The following XPR1 variants were observed in gnomAD, a reference collection of about 807,000 sequenced individuals.
XPR1 encodes solute carrier family 53 member 1.
Under a neutral mutation model 87.5 loss-of-function variants are expected in XPR1, and 28 were observed. The observed-to-expected ratio is 0.32, with a 90% CI of 0.24 to 0.44. XPR1 has a LOEUF of 0.44. XPR1 is among the 20% of genes least tolerant of loss of function. XPR1 has a pLI of 1.00. For synonymous variants in XPR1, 300 were observed against 306.1 expected, an observed-to-expected ratio of 0.98 and a Z score of 0.21; for missense variants, 559 against 862.3, an observed-to-expected ratio of 0.65 and a Z score of 4.41.
rs187795581 is a variant in XPR1 at position 180,742,536 on chromosome 1, G to A, written c.122-45217G>A. 6.8e-4 allele frequency among the ~76,000 whole-genome samples: 103 copies of A among 152,110 alleles called. 1 individual carries two copies. Among genetic ancestry groups the A allele is most frequent in the South Asian group, 1.9e-3 (9 of 4,826 alleles). Reference sequence around the variant, plus strand: ...TTAAATTTGGTAAGGCTTATTTTATGACCCAGGATATAGTCTGTCTTGGTA... The same window carrying A: ...TTAAATTTGGTAAGGCTTATTTTATAACCCAGGATATAGTCTGTCTTGGTA... On this transcript the variant is annotated intron_variant, in intron 2 of 14. Transcript: ENST00000367590.
intron 3 of XPR1, among the ~76,000 whole-genome samples, chr1:180,798,694 A>G (rs1649676384): frequency 6.6e-6 from 1 of 151,920 alleles, no homozygotes; most frequent in African/African-American, 2.4e-5. Context: ...GCTCACTGCA[A>G]CCTCCACCTC....
intron 1 of XPR1, among the ~76,000 whole-genome samples, chr1:180,662,811 T>C (rs1655823646): frequency 6.6e-6 from 1 of 152,178 alleles, no homozygotes; most frequent in Non-Finnish European, 1.5e-5. Context: ...ATGCTTTACT[T>C]TTTTTATTCC....
chr1:180,669,356 G>A (rs1173123909), intron 1 of XPR1, among the ~76,000 whole-genome samples: 8 of 151,956 alleles, frequency 5.3e-5, no homozygotes, highest in African/African-American at 1.9e-4. Flanking sequence ...TGTCTTTAGT[G>A]TATAAATTTT....
chr1:180,764,531 G>A (rs1054847660), intron 2 of XPR1, among the ~76,000 whole-genome samples: 9 of 151,774 alleles, frequency 5.9e-5, no homozygotes, highest in African/African-American at 2.2e-4. Flanking sequence ...TTGCAGTAGT[G>A]CGATCATGGC....
intron 2 of XPR1, among the ~76,000 whole-genome samples, chr1:180,747,654 A>G (rs1296896700): frequency 6.6e-6 from 1 of 152,234 alleles, no homozygotes; most frequent in African/African-American, 2.4e-5. Flanking sequence ...TGATACAGAA[A>G]AATTAATCTG....
intron 1 of XPR1, among the ~76,000 whole-genome samples, chr1:180,682,044 C>CT (rs1311111249): frequency 6.6e-6 from 1 of 152,048 alleles, no homozygotes; most frequent in Non-Finnish European, 1.5e-5. Flanking sequence ...TTCTCTAGGA[C>CT]TTTTGTTCTG....
At chr1:180,740,491 G>A (rs902100978) in intron 2 of XPR1, among the ~76,000 whole-genome samples, 9 of 150,120 alleles carry the variant, frequency 6.0e-5, no homozygotes, top group Non-Finnish European at 1.0e-4. Context: ...AGCTAGTTTT[G>A]CATTCCTGAG....
At chr1:180,784,048 C>CT (rs1649042373) in intron 2 of XPR1, among the ~76,000 whole-genome samples, 1 of 151,728 alleles carries the variant, frequency 6.6e-6, no homozygotes, top group African/African-American at 2.4e-5. Flanking sequence ...GAGCAAGACT[C>CT]TGTCTTAAAA....
At chr1:180,634,051 T>C (rs145188792) in intron 1 of XPR1, among the ~76,000 whole-genome samples, 6 of 152,310 alleles carry the variant, frequency 3.9e-5, no homozygotes, top group Middle Eastern at 3.4e-3. Context: ...ACGATTTAGT[T>C]TGAAAATGCA....
intron 2 of XPR1, among the ~76,000 whole-genome samples, chr1:180,703,629 G>C (rs1229534813): frequency 1.3e-5 from 2 of 152,158 alleles, no homozygotes; most frequent in Admixed American, 6.5e-5. Context: ...CATGCCCCCA[G>C]ATTTTTTACA....
chr1:180,637,335 A>G (rs764290181), intron 1 of XPR1, among the ~76,000 whole-genome samples: 1 of 152,184 alleles, frequency 6.6e-6, no homozygotes, highest in Non-Finnish European at 1.5e-5. Context: ...AGCCAAATCA[A>G]CCGCTAGGAA....
intron 3 of XPR1, among the ~76,000 whole-genome samples, chr1:180,791,439 T>G (rs1649375273): frequency 6.6e-6 from 1 of 152,168 alleles, no homozygotes; most frequent in Admixed American, 6.5e-5. Context: ...ACCTGGCTAA[T>G]TTTTTATTTT....
intron 2 of XPR1, among the ~76,000 whole-genome samples, chr1:180,765,075 G>A (rs142826869): frequency 0.012 from 1,792 of 152,216 alleles, 26 homozygotes; most frequent in African/African-American, 0.041. Context: ...GTGAGCTACC[G>A]CGCTCGGCCC....
At chr1:180,783,836 C>T (rs1441593634) in intron 2 of XPR1, among the ~76,000 whole-genome samples, 1 of 151,876 alleles carries the variant, frequency 6.6e-6, no homozygotes, top group Non-Finnish European at 1.5e-5. Flanking sequence ...AGGTGGATCA[C>T]CTGAGGTCAG....
chr1:180,748,750 T>C (rs373948264), intron 2 of XPR1, among the ~76,000 whole-genome samples: 9 of 152,246 alleles, frequency 5.9e-5, no homozygotes, highest in East Asian at 3.9e-4. Context: ...GGTGAAATAC[T>C]GTATAAAGAT....
chr1:180,696,204 G>GTATATATATATATA (rs1280091948), intron 2 of XPR1, among the ~76,000 whole-genome samples: 6 of 102,434 alleles, frequency 5.9e-5, no homozygotes, highest in Admixed American at 1.1e-4. Context: ...GTGTGTGTGT[G>GTATATATATATATA]TGTGTATATA....
intron 1 of XPR1, among the ~76,000 whole-genome samples, chr1:180,680,117 G>T (rs905217614): frequency 9.5e-4 from 145 of 151,904 alleles, no homozygotes; most frequent in African/African-American, 3.1e-3. Context: ...AACAAATAAA[G>T]AAAATGCTTA....
intron 3 of XPR1, among the ~76,000 whole-genome samples, chr1:180,802,793 G>T (rs749457659): frequency 6.6e-6 from 1 of 152,172 alleles, no homozygotes; most frequent in Non-Finnish European, 1.5e-5. Flanking sequence ...GGTATTTTGT[G>T]TCTGGTTTCT....
At chr1:180,741,661 A>AT in intron 2 of XPR1, among the ~76,000 whole-genome samples, 1 of 151,682 alleles carries the variant, frequency 6.6e-6, no homozygotes, top group East Asian at 1.9e-4. Context: ...TAATTTTTGT[A>AT]TTTTTAGTAG....
Sources: allele counts gnomAD v4.1 joint callset (sites outside exome capture counted in the v4.1 genomes callset), GRCh38; gene constraint gnomAD v4.1.1; transcripts MANE v1.5; gene names NCBI Gene and HGNC (gene_info 2026-07-23, HGNC 2026-07-21).